The following CACNA2D1 variants were observed in gnomAD, a reference collection of about 807,000 sequenced individuals.
CACNA2D1 encodes the protein voltage-dependent calcium channel subunit alpha-2/delta-1.
A neutral mutation model predicts 171.5 loss-of-function variants in CACNA2D1; 53 were observed. The ratio of observed to expected loss-of-function variants is 0.31; its 90% CI spans 0.25 to 0.39. CACNA2D1 has a LOEUF of 0.39. Ranked by LOEUF, CACNA2D1 falls within the 10% of genes least tolerant of loss-of-function variation. The pLI, the probability that CACNA2D1 is intolerant of heterozygous loss-of-function variation, is 1.00. For synonymous variants in CACNA2D1, 442 were observed against 443.1 expected, an observed-to-expected ratio of 1.00 and a Z score of 0.03; for missense variants, 903 against 1,299.8, an observed-to-expected ratio of 0.69 and a Z score of 4.69.
chr7:82,363,999 C>T (rs373898155), intron 1 of CACNA2D1, among the ~76,000 whole-genome samples: 1 of 152,022 alleles, frequency 6.6e-6, no homozygotes, highest in African/African-American at 2.4e-5. Context: ...TTTGGGAGGC[C>T]GAGGTGGACA....
intron 1 of CACNA2D1, among the ~76,000 whole-genome samples, chr7:82,434,786 T>C (rs1020409205): frequency 2.0e-5 from 3 of 152,254 alleles, no homozygotes; most frequent in South Asian, 2.1e-4. Context: ...ACTGAAACCA[T>C]GCTTCTGTCC....
intron 3 of CACNA2D1, among the ~76,000 whole-genome samples, chr7:82,240,840 G>A (rs888350292): frequency 3.9e-5 from 6 of 151,938 alleles, no homozygotes; most frequent in South Asian, 2.1e-4. Context: ...GGTAGTGCAC[G>A]CCTGTAGCTC....
intron 12 of CACNA2D1, among the ~76,000 whole-genome samples, chr7:82,025,323 G>A (rs527487858): frequency 4.0e-4 from 60 of 151,632 alleles, no homozygotes; most frequent in Admixed American, 2.6e-3. Context: ...TTTCATCACA[G>A]TGTTACAGTT....
At chr7:82,292,477 G>T (rs192420751) in intron 3 of CACNA2D1, among the ~76,000 whole-genome samples, 2 of 152,222 alleles carry the variant, frequency 1.3e-5, no homozygotes, top group Non-Finnish European at 2.9e-5. Flanking sequence ...GAGAAAAGGT[G>T]CATCGGGAAA....
chr7:82,352,661 T>C lies in CACNA2D1; in HGVS notation c.96-3012A>G, dbSNP rs182079257. Among the ~76,000 whole-genome samples, 157 of 152,150 alleles carry C rather than the reference T, an allele frequency of 1.0e-3. 2 individuals are homozygous for C. Among genetic ancestry groups the C allele is most frequent in the East Asian group, 1.9e-4 (1 of 5,176 alleles). On this transcript the variant is annotated intron_variant, in intron 1 of 38. Transcript: ENST00000356860. ...ACAACAAGAATATGATAGGAAATGT[T>C]TGAGGAAGCAGAAGAGAGCCAATGC...
chr7:82,139,589 G>T (rs1792106655), intron 4 of CACNA2D1, among the ~76,000 whole-genome samples: 1 of 152,108 alleles, frequency 6.6e-6, no homozygotes, highest in Admixed American at 6.6e-5. Context: ...TTGAAAAGGT[G>T]CATTTCAAAG....
At chr7:81,987,952 T>C (rs1232411472) in intron 21 of CACNA2D1, among the ~76,000 whole-genome samples, 1 of 152,168 alleles carries the variant, frequency 6.6e-6, no homozygotes, top group Non-Finnish European at 1.5e-5. Flanking sequence ...AAGAGTGACA[T>C]GAACTCGAGA....
At chr7:82,001,978 G>A (rs1216492914) in intron 18 of CACNA2D1, among the ~76,000 whole-genome samples, 20 of 111,454 alleles carry the variant, frequency 1.8e-4, no homozygotes, top group Admixed American at 1.8e-3. Flanking sequence ...TGGGAAGTGG[G>A]AAAAATGGTT....
Position 82,188,418 on chromosome 7 carries a change from TTGAA to T in CACNA2D1, c.295-17813_295-17810del, listed in dbSNP as rs1289711325. On this transcript the variant is annotated intron_variant, in intron 3 of 38. Coordinates refer to ENST00000356860, the MANE Select transcript of CACNA2D1 (RefSeq NM_000722.4). ...AGGCATATTTTACTTTTTTGGCTGA[TTGAA>T]TGTTGACTAAATTGATGTAGCAAGA... 1.1e-4 allele frequency among the ~76,000 whole-genome samples: 17 copies of T among 152,076 alleles called. 1 individual carries two copies. The highest frequency in any genetic ancestry group is 1.9e-4 in the Non-Finnish European group (13 of 67,962).
chr7:82,380,097 T>C (rs905780258), intron 1 of CACNA2D1, among the ~76,000 whole-genome samples: 2 of 152,182 alleles, frequency 1.3e-5, no homozygotes, highest in East Asian at 1.9e-4. Context: ...TACATTTACA[T>C]TCTATTTTCA....
chr7:82,158,705 TG>T (rs1175773972), intron 4 of CACNA2D1, among the ~76,000 whole-genome samples: 1 of 151,900 alleles, frequency 6.6e-6, no homozygotes, highest in African/African-American at 2.4e-5. Context: ...ATGAGGAAAC[TG>T]TGGCTTAGAG....
chr7:82,007,188 G>GA (rs563707788), intron 16 of CACNA2D1, among the ~76,000 whole-genome samples: 155 of 149,616 alleles, frequency 1.0e-3, no homozygotes, highest in East Asian at 5.1e-3. Flanking sequence ...CCTAAAAATA[G>GA]AAAAAAAAAG....
At chr7:82,376,564 C>A (rs1268127852) in intron 1 of CACNA2D1, among the ~76,000 whole-genome samples, 1 of 152,220 alleles carries the variant, frequency 6.6e-6, no homozygotes, top group Non-Finnish European at 1.5e-5. Flanking sequence ...AAACTCTTCT[C>A]ATCTGAAAGG....
chr7:81,997,255 A>C lies in CACNA2D1; in HGVS notation c.1591-5T>G. 1 of 1,557,344 alleles carries C rather than the reference A, an allele frequency of 6.4e-7. No homozygotes were observed. The highest frequency in any genetic ancestry group is 8.9e-7 in the Non-Finnish European group (1 of 1,128,540). On this transcript the variant is annotated splice_polypyrimidine_tract_variant and splice_region_variant and intron_variant, in intron 18 of 38. Coordinates refer to ENST00000356860, the MANE Select transcript of CACNA2D1 (RefSeq NM_000722.4). ...TGGCTCCTGAGATTTGGGGTTCTAC[A>C]CAGAAAACAATAATAATTAGGTACA... is the stretch of plus-strand genomic sequence containing the variant.
At chr7:82,043,939 T>A (rs1804247369) in intron 10 of CACNA2D1, among the ~76,000 whole-genome samples, 1 of 152,208 alleles carries the variant, frequency 6.6e-6, no homozygotes, top group Non-Finnish European at 1.5e-5. Flanking sequence ...ACTGGAAACA[T>A]TAAGAATTAA....
At chr7:82,099,121 T>C (rs950188386) in intron 6 of CACNA2D1, among the ~76,000 whole-genome samples, 1 of 152,168 alleles carries the variant, frequency 6.6e-6, no homozygotes, top group Non-Finnish European at 1.5e-5. Context: ...CTTGTCAGTT[T>C]GCATTCTGTA....
intron 38 of CACNA2D1, among the ~76,000 whole-genome samples, chr7:81,955,686 C>G (rs1793160687): frequency 1.3e-5 from 2 of 151,692 alleles, no homozygotes; most frequent in Admixed American, 6.6e-5. Flanking sequence ...CATCAAAACT[C>G]AAGCAAATGA....
intron 3 of CACNA2D1, among the ~76,000 whole-genome samples, chr7:82,246,435 A>G (rs1156537764): frequency 6.6e-6 from 1 of 152,166 alleles, no homozygotes; most frequent in African/African-American, 2.4e-5. Context: ...AGAACTGAAC[A>G]TCTAAGAAAC....
intron 3 of CACNA2D1, among the ~76,000 whole-genome samples, chr7:82,264,375 A>T (rs969911158): frequency 1.3e-5 from 2 of 152,230 alleles, no homozygotes; most frequent in African/African-American, 4.8e-5. Context: ...TATGATGACT[A>T]TAGATACTCA....
Sources: gnomAD v4.1 joint callset for allele counts (sites outside exome capture counted in the v4.1 genomes callset) on GRCh38, gnomAD v4.1.1 for gene constraint, MANE v1.5 for transcripts, NCBI Gene and HGNC (gene_info 2026-07-23, HGNC 2026-07-21) for gene names.